Variants in VPS54 observed in about 807,000 individuals in gnomAD.
VPS54 encodes VPS54 subunit of GARP complex.
VPS54 carries 45 observed loss-of-function variants against 121.5 expected under a neutral mutation model. The ratio of observed to expected loss-of-function variants is 0.37; its 90% CI spans 0.29 to 0.47. The LOEUF is 0.47. Ranked by LOEUF, VPS54 falls within the 20% of genes least tolerant of loss-of-function variation. The pLI, the probability that VPS54 is intolerant of heterozygous loss-of-function variation, is 0.99. For missense variants in VPS54, 1,090 were observed against 1,131.4 expected (o/e 0.96, Z 0.52); for synonymous variants, 371 against 385.8 (o/e 0.96, Z 0.45).
At chr2:63,943,435 A>T (rs911639965) in intron 10 of VPS54, among the ~76,000 whole-genome samples, 1 of 152,156 alleles carries the variant, frequency 6.6e-6, no homozygotes, top group African/African-American at 2.4e-5. Flanking sequence ...GGAGCTTCTA[A>T]TAGTGTCCCA....
chr2:63,945,255 C>G (rs1674924638), intron 9 of VPS54, among the ~76,000 whole-genome samples: 1 of 152,158 alleles, frequency 6.6e-6, no homozygotes, highest in Non-Finnish European at 1.5e-5. Flanking sequence ...ATGGATGGAG[C>G]TGGAGCTCAT....
intron 1 of VPS54, among the ~76,000 whole-genome samples, chr2:64,005,956 G>A (rs1298260446): frequency 6.6e-6 from 1 of 152,052 alleles, no homozygotes; most frequent in East Asian, 1.9e-4. Flanking sequence ...CCATATATGA[G>A]GAAACAATGA....
Position 63,919,984 on chromosome 2 carries a change from T to G in VPS54, c.2063A>C (p.Asp688Ala). 2 of 1,611,130 alleles carry G rather than the reference T, an allele frequency of 1.2e-6. No individual in the cohort carries two copies. The highest frequency in any genetic ancestry group is 1.7e-6 in the Non-Finnish European group (2 of 1,178,166). Residue 688 changes from aspartate to alanine, a missense_variant, in exon 15 of 23, where the codon GAC (aspartate) becomes GCC (alanine). By Grantham distance (126) the Asp-to-Ala change is moderately radical (BLOSUM62 -2). Coordinates refer to ENST00000272322, the MANE Select transcript of VPS54 (RefSeq NM_016516.3). ...ERKTKLSLLL[D>A]NERWKQADVP... The stretch of plus-strand genomic sequence containing the variant: ...ATCTGCTTGCTTCCAGCGCTCATTG[T>G]CTAAGAGGAGGCTAGTCCACAGTAA...
chr2:63,899,476 G>T lies in VPS54; in HGVS notation c.2731C>A (p.Gln911Lys). ...IFDLLPEEQT[Q>K]MLFLRINASY... is the part of the protein sequence containing the mutation. ...TAGTTTTAGGAATTACTTCTCACCT[G>T]TGTTTGTTCTTCTGGAAGGAGATCA... The change falls in exon 21 of 23, where the codon CAG (glutamine) becomes AAG (lysine). Residue 911 changes from glutamine (Q) to lysine (K), a missense_variant and splice_region_variant. Physicochemically the swap from Gln to Lys is moderately conservative, Grantham distance 53. Around this residue, in one of 2 missense-constraint regions of VPS54, gnomAD observed 289 missense variants for 374.4 expected, o/e 0.77. Transcript: ENST00000272322. 1 of 1,612,712 alleles carries T rather than the reference G, an allele frequency of 6.2e-7. No individual in the cohort carries two copies. The highest frequency in any genetic ancestry group is 8.5e-7 in the Non-Finnish European group (1 of 1,179,114).
chr2:63,915,524 A>C, intron 16 of VPS54, among the ~76,000 whole-genome samples: 1 of 152,226 alleles, frequency 6.6e-6, no homozygotes, highest in East Asian at 1.9e-4. Flanking sequence ...CAGAAGTTGT[A>C]ATAGTTCCCC....
intron 1 of VPS54, among the ~76,000 whole-genome samples, chr2:64,001,410 A>G (rs749194891): frequency 6.6e-6 from 1 of 152,072 alleles, no homozygotes; most frequent in Non-Finnish European, 1.5e-5. Context: ...AGTCCCCTTT[A>G]TTTTTCCATC....
chr2:63,941,871 T>C (rs949084568), intron 11 of VPS54, among the ~76,000 whole-genome samples: 1 of 151,678 alleles, frequency 6.6e-6, no homozygotes, highest in Non-Finnish European at 1.5e-5. Context: ...CCATCTCTAC[T>C]AAACATGCAA....
At chr2:63,916,052 G>A (rs1401365208) in intron 16 of VPS54, among the ~76,000 whole-genome samples, 1 of 152,112 alleles carries the variant, frequency 6.6e-6, no homozygotes, top group African/African-American at 2.4e-5. Context: ...AAAGAATGCT[G>A]GGCTAGATAT....
At chr2:63,945,433 A>G (rs1237261149) in intron 9 of VPS54, among the ~76,000 whole-genome samples, 1 of 152,150 alleles carries the variant, frequency 6.6e-6, no homozygotes, top group Non-Finnish European at 1.5e-5. Flanking sequence ...AAAAATAACT[A>G]ATGGGTACTA....
At chr2:63,942,379 A>G (rs1239746319) in intron 11 of VPS54, 86 bp downstream of exon 11, 5 of 913,900 alleles carry the variant, frequency 5.5e-6, no homozygotes, top group Non-Finnish European at 7.7e-6. Context: ...GTTTTATTCT[A>G]GTTTGAGTCT....
chr2:63,985,663 G>A (rs1677014785), intron 1 of VPS54, among the ~76,000 whole-genome samples: 1 of 146,968 alleles, frequency 6.8e-6, no homozygotes, highest in African/African-American at 2.6e-5. Context: ...TTTACACTGG[G>A]AAGAAGTGAC....
intron 7 of VPS54, among the ~76,000 whole-genome samples, chr2:63,960,967 C>T (rs1238937406): frequency 1.3e-5 from 2 of 152,136 alleles, no homozygotes; most frequent in Non-Finnish European, 2.9e-5. Context: ...TGACTCAGAA[C>T]GTTTTCTTAA....
intron 12 of VPS54, among the ~76,000 whole-genome samples, chr2:63,924,044 A>G (rs1021255648): frequency 2.6e-5 from 4 of 152,192 alleles, no homozygotes; most frequent in African/African-American, 9.7e-5. Flanking sequence ...TACAGAACCT[A>G]TGCTTCATGC....
intron 16 of VPS54, among the ~76,000 whole-genome samples, chr2:63,914,651 G>A (rs1304063673): frequency 6.6e-6 from 1 of 151,920 alleles, no homozygotes; most frequent in Admixed American, 6.6e-5. Context: ...GCATTCATTA[G>A]CCAATTCAGA....
At chr2:63,984,708 T>C (rs1352412523) in intron 1 of VPS54, among the ~76,000 whole-genome samples, 2 of 152,182 alleles carry the variant, frequency 1.3e-5, no homozygotes, top group African/African-American at 4.8e-5. Context: ...TTAAAACAAA[T>C]ATATGTAAGC....
chr2:63,960,215 G>C (rs184006057), intron 7 of VPS54, among the ~76,000 whole-genome samples: 23 of 152,088 alleles, frequency 1.5e-4, no homozygotes, highest in Admixed American at 9.8e-4. Flanking sequence ...TCTAGCCTGG[G>C]CAGCAGAATA....
chr2:64,011,556 C>G (rs1188538769), intron 1 of VPS54, among the ~76,000 whole-genome samples: 1 of 151,896 alleles, frequency 6.6e-6, no homozygotes, highest in Admixed American at 6.6e-5. Flanking sequence ...CAGAGCCAGA[C>G]TCCATCTCAA....
intron 12 of VPS54, among the ~76,000 whole-genome samples, chr2:63,925,259 C>T (rs974286547): frequency 1.4e-4 from 22 of 152,146 alleles, no homozygotes; most frequent in African/African-American, 5.1e-4. Flanking sequence ...TAGAAAAGGA[C>T]ATCCCAGAAG....
intron 10 of VPS54, among the ~76,000 whole-genome samples, chr2:63,944,028 G>A (rs539947328): frequency 2.6e-5 from 4 of 151,250 alleles, no homozygotes; most frequent in African/African-American, 9.7e-5. Flanking sequence ...CAATGCGCCT[G>A]GCCAAGAATA....
Sources: gnomAD v4.1 joint callset for allele counts (sites outside exome capture counted in the v4.1 genomes callset) on GRCh38, gnomAD v4.1.1 for gene constraint, gnomAD v4.1.1 regional missense constraint, MANE v1.5 for transcripts, NCBI Gene and HGNC (gene_info 2026-07-23, HGNC 2026-07-21) for gene names.